Variants in NFIB observed in about 807,000 individuals in gnomAD.
NFIB encodes nuclear factor I B.
In NFIB, 11 loss-of-function variants were observed where a neutral mutation model predicts 61.5. The observed-to-expected ratio is 0.18, with a 90% CI of 0.11 to 0.30. The LOEUF (loss-of-function observed/expected upper bound fraction) is 0.30. NFIB is among the 10% of genes least tolerant of loss of function. The pLI is 1.00. For synonymous variants in NFIB, 260 were observed against 216.5 expected, an observed-to-expected ratio of 1.20 and a Z score of -1.76; for missense variants, 471 against 608.9, an observed-to-expected ratio of 0.77 and a Z score of 2.38.
chr9:14,259,707 C>T (rs1165322918), intron 2 of NFIB, among the ~76,000 whole-genome samples: 3 of 151,984 alleles, frequency 2.0e-5, no homozygotes, highest in South Asian at 2.1e-4. Flanking sequence ...TTAAGACCAG[C>T]GTGGGAAACA....
At chr9:14,094,793 T>C (rs1212348098) in intron 10 of NFIB, among the ~76,000 whole-genome samples, 3 of 152,122 alleles carry the variant, frequency 2.0e-5, no homozygotes, top group African/African-American at 7.2e-5. Context: ...TAAATAGCCT[T>C]CTTTATTGCT....
At chr9:14,158,221 G>A (rs1256567205) in intron 3 of NFIB, among the ~76,000 whole-genome samples, 1 of 151,484 alleles carries the variant, frequency 6.6e-6, no homozygotes, top group Non-Finnish European at 1.5e-5. Flanking sequence ...TCACCCAATT[G>A]TACTTTGTAA....
the NFIB span, among the ~76,000 whole-genome samples, chr9:14,456,055 G>T: frequency 6.6e-6 from 1 of 152,070 alleles, no homozygotes; most frequent in Non-Finnish European, 1.5e-5. Context: ...CTCATATATT[G>T]CAGAATAAAT....
At chr9:14,284,121 T>A (rs1286770411) in intron 2 of NFIB, among the ~76,000 whole-genome samples, 1 of 152,188 alleles carries the variant, frequency 6.6e-6, no homozygotes, top group Non-Finnish European at 1.5e-5. Context: ...ATTGGAGAGT[T>A]ATTCAAGATA....
chr9:14,238,576 T>A (rs749017667), intron 2 of NFIB, among the ~76,000 whole-genome samples: 1 of 152,286 alleles, frequency 6.6e-6, no homozygotes, highest in East Asian at 1.9e-4. Flanking sequence ...CAGAACAGCA[T>A]CGAGTACCTA....
intron 2 of NFIB, among the ~76,000 whole-genome samples, chr9:14,192,754 C>T (rs145205188): frequency 2.1e-4 from 32 of 152,302 alleles, no homozygotes; most frequent in African/African-American, 7.2e-4. Context: ...TAGATTCCTA[C>T]TGATGCTAAT....
intron 1 of NFIB, among the ~76,000 whole-genome samples, chr9:14,325,347 T>C (rs1197392948): frequency 6.6e-6 from 1 of 152,136 alleles, no homozygotes; most frequent in East Asian, 1.9e-4. Flanking sequence ...GCTTCACAAA[T>C]ACACTTGCAG....
At chr9:14,345,064 G>T (rs980710145) in intron 1 of NFIB, among the ~76,000 whole-genome samples, 17 of 152,206 alleles carry the variant, frequency 1.1e-4, no homozygotes, top group Admixed American at 2.0e-4. Flanking sequence ...GTCCGTCTTG[G>T]GCCACTCTCC....
rs534290301 is a variant in NFIB at position 14,306,792 on chromosome 9, A to C, written c.562+197T>G. Among the ~76,000 whole-genome samples, 5 of 152,308 alleles carry C rather than the reference A, an allele frequency of 3.3e-5. No individual in the cohort carries two copies. The East Asian group carries it at 7.7e-4, about 24-fold the overall frequency. ...CTTAAATATCCAAGCCTATCCAGGT[A>C]CGAAAGCTCTGTGTCTATTTACATG... On this transcript the variant is annotated intron_variant, in intron 2 of 10. Coordinates refer to ENST00000380953, the MANE Select transcript of NFIB (RefSeq NM_001190737.2).
chr9:14,452,631 C>T, the NFIB span, among the ~76,000 whole-genome samples: 1 of 152,150 alleles, frequency 6.6e-6, no homozygotes. Context: ...GAGAAAATCT[C>T]GACCCTGGGA....
intron 2 of NFIB, among the ~76,000 whole-genome samples, chr9:14,249,487 A>G (rs2055327103): frequency 6.6e-6 from 1 of 152,004 alleles, no homozygotes. Context: ...TTTTTTTAAG[A>G]TTGCGTCTCA....
Position 14,085,736 on chromosome 9 carries a change from G to C in NFIB, c.*2573C>G, listed in dbSNP as rs2032772109. Reference sequence around the variant, plus strand: ...AGTGCACTGCCATCCATTTGAAGTAGTAAGTCACAGGTAAATCATATCCTA... The same window carrying C: ...AGTGCACTGCCATCCATTTGAAGTACTAAGTCACAGGTAAATCATATCCTA... On this transcript the variant is annotated 3_prime_UTR_variant, in exon 11 of 11. Coordinates refer to ENST00000380953, the MANE Select transcript of NFIB (RefSeq NM_001190737.2). 1 of 219,380 alleles carries C rather than the reference G, an allele frequency of 4.6e-6. No individual in the cohort carries two copies. The highest frequency in any genetic ancestry group is 2.2e-5 in the African/African-American group (1 of 44,566). 13.6% of individuals were successfully genotyped at this position (219,380 alleles called of 1,614,324 possible). A position where few individuals can be genotyped will look rare whatever the true frequency, so the allele number is the denominator to read the frequency against.
At chr9:14,282,346 A>C (rs1004500542) in intron 2 of NFIB, among the ~76,000 whole-genome samples, 11 of 152,310 alleles carry the variant, frequency 7.2e-5, no homozygotes, top group African/African-American at 2.6e-4. Context: ...CATAAATATT[A>C]TTAAAGCATG....
At chr9:14,437,839 C>T in the NFIB span, among the ~76,000 whole-genome samples, 2 of 152,222 alleles carry the variant, frequency 1.3e-5, no homozygotes, top group Non-Finnish European at 2.9e-5. Flanking sequence ...TCGGATCCAT[C>T]ACTGGGCTGG....
In NFIB at chr9:14,261,584, G is replaced by C. The variant is rs76371925; in HGVS notation, c.562+45405C>G. 3.9e-3 allele frequency among the ~76,000 whole-genome samples: 601 copies of C among 152,314 alleles called. 2 individuals carry two copies. Among genetic ancestry groups the C allele is most frequent in the African/African-American group, 0.014 (579 of 41,564 alleles). On this transcript the variant is annotated intron_variant, in intron 2 of 10. Coordinates refer to ENST00000380953, the MANE Select transcript of NFIB (RefSeq NM_001190737.2). ...TTTATTAGTGTGCAAGGGGGAGAAT[G>C]CAGGGATGACTGCCCCATATCCCAA...
At chr9:14,151,143 G>A (rs2042825548) in intron 4 of NFIB, among the ~76,000 whole-genome samples, 1 of 152,038 alleles carries the variant, frequency 6.6e-6, no homozygotes, top group East Asian at 1.9e-4. Flanking sequence ...GGATTATTTT[G>A]AGGATGAAAT....
intron 1 of NFIB, chr9:14,322,296 GGTGT>G: frequency 9.1e-6 from 3 of 330,916 alleles, no homozygotes; most frequent in Non-Finnish European, 1.6e-5. Flanking sequence ...CGTCCAGGAT[GGTGT>G]GTGTGTGTGC....
intron 2 of NFIB, among the ~76,000 whole-genome samples, chr9:14,299,446 G>C (rs1392227826): frequency 2.6e-5 from 4 of 152,142 alleles, no homozygotes; most frequent in African/African-American, 9.7e-5. Flanking sequence ...AGACTATTTT[G>C]AATGGAGTTG....
At chr9:14,383,932 G>A (rs552687501) in intron 1 of NFIB, among the ~76,000 whole-genome samples, 7 of 152,322 alleles carry the variant, frequency 4.6e-5, no homozygotes, top group South Asian at 2.1e-4. Context: ...ATACCATCGT[G>A]TTTCATCCAA....
Sources: allele counts gnomAD v4.1 joint callset (sites outside exome capture counted in the v4.1 genomes callset), GRCh38; gene constraint gnomAD v4.1.1; transcripts MANE v1.5; gene names NCBI Gene and HGNC (gene_info 2026-07-23, HGNC 2026-07-21).